The following ADAMTS18 variants were observed in gnomAD, a reference collection of about 807,000 sequenced individuals.
ADAMTS18 encodes the protein ADAM metallopeptidase with thrombospondin type 1 motif 18.
A neutral mutation model predicts 165.9 loss-of-function variants in ADAMTS18; 157 were observed. The observed-to-expected ratio is 0.95, with a 90% CI of 0.83 to 1.08. The LOEUF (loss-of-function observed/expected upper bound fraction) is 1.08, where lower values mean the gene tolerates loss of function less well. Among genes scored for constraint, ADAMTS18 ranks in the 50% least tolerant of loss-of-function variants. ADAMTS18 has a pLI of 0.00. For synonymous variants in ADAMTS18, 782 were observed against 578.2 expected (o/e 1.35, Z -5.06); for missense variants, 2,040 against 1,534.0 (o/e 1.33, Z -5.51).
At chr16:77,405,729 G>A (rs931062515) in intron 3 of ADAMTS18, among the ~76,000 whole-genome samples, 1 of 152,052 alleles carries the variant, frequency 6.6e-6, no homozygotes, top group Non-Finnish European at 1.5e-5. Context: ...TTCCTGATGA[G>A]GGCTGACTTC....
chr16:77,324,275 G>A (rs1435847009), intron 13 of ADAMTS18, among the ~76,000 whole-genome samples: 1 of 152,208 alleles, frequency 6.6e-6, no homozygotes, highest in Non-Finnish European at 1.5e-5. Context: ...TTCCAAGTCT[G>A]GAATAGGAAG....
At chr16:77,352,941 C>A (rs2056576671) in intron 10 of ADAMTS18, among the ~76,000 whole-genome samples, 1 of 151,988 alleles carries the variant, frequency 6.6e-6, no homozygotes, top group African/African-American at 2.4e-5. Context: ...CTGAAAAAAA[C>A]ACAAAAAATT....
intron 3 of ADAMTS18, among the ~76,000 whole-genome samples, chr16:77,420,255 C>A (rs2057584685): frequency 6.6e-6 from 1 of 152,024 alleles, no homozygotes; most frequent in Admixed American, 6.6e-5. Flanking sequence ...TCTCCAAGAT[C>A]AAATAACTAG....
At chr16:77,340,090 C>A (rs888069631) in intron 11 of ADAMTS18, among the ~76,000 whole-genome samples, 11 of 152,168 alleles carry the variant, frequency 7.2e-5, no homozygotes, top group Non-Finnish European at 1.3e-4. Context: ...GCCCCGACAG[C>A]AACTACTGCT....
intron 3 of ADAMTS18, among the ~76,000 whole-genome samples, chr16:77,410,203 G>T (rs540807236): frequency 8.7e-5 from 13 of 150,082 alleles, no homozygotes; most frequent in African/African-American, 3.2e-4. Context: ...TCTATTTTAT[G>T]TTACTCTATG....
rs578178578 is a variant in ADAMTS18, at chr16:77,309,925, C to T, written c.2533-9521G>A. Among the ~76,000 whole-genome samples, 3 of 152,314 alleles carry T rather than the reference C, an allele frequency of 2.0e-5. No individual in the cohort carries two copies. The South Asian group carries it at 6.2e-4, about 32-fold the overall frequency. ...TGTTTTAGGAAGCACATTGATTCCT[C>T]AAATGCATTTTAGGAGATCAAATTT... On this transcript the variant is annotated intron_variant, in intron 16 of 22. Coordinates refer to ENST00000282849, the MANE Select transcript of ADAMTS18 (RefSeq NM_199355.4).
intron 22 of ADAMTS18, among the ~76,000 whole-genome samples, chr16:77,285,595 T>A (rs568493883): frequency 6.6e-6 from 1 of 151,988 alleles, no homozygotes; most frequent in Admixed American, 6.5e-5. Flanking sequence ...AAATTCCTTT[T>A]TATACATCCC....
chr16:77,386,581 C>G (rs1402498654), intron 3 of ADAMTS18, among the ~76,000 whole-genome samples: 1 of 152,184 alleles, frequency 6.6e-6, no homozygotes, highest in African/African-American at 2.4e-5. Flanking sequence ...CAAAGCCCTA[C>G]CCCTTCTGCA....
At chr16:77,290,426 A>C (rs60239258) in intron 21 of ADAMTS18, 1 of 152,200 alleles carries the variant, frequency 6.6e-6, no homozygotes, top group African/African-American at 2.4e-5. Context: ...AACTTATTAG[A>C]GTCAATTTTA....
chr16:77,375,678 C>G (rs543422706), intron 3 of ADAMTS18, among the ~76,000 whole-genome samples: 9 of 152,150 alleles, frequency 5.9e-5, no homozygotes, highest in Non-Finnish European at 8.8e-5. Context: ...TTAGGCTCCT[C>G]CTACAATAAA....
intron 16 of ADAMTS18, among the ~76,000 whole-genome samples, chr16:77,305,202 T>C (rs1424089477): frequency 6.6e-6 from 1 of 152,180 alleles, no homozygotes; most frequent in Non-Finnish European, 1.5e-5. Flanking sequence ...TTTGCCCCCA[T>C]CTTTATTCTG....
chr16:77,369,806 A>G (rs1388027816), intron 3 of ADAMTS18, among the ~76,000 whole-genome samples: 1 of 152,220 alleles, frequency 6.6e-6, no homozygotes, highest in East Asian at 1.9e-4. Flanking sequence ...ACGGGTCAGT[A>G]TACCTGATGA....
intron 4 of ADAMTS18, among the ~76,000 whole-genome samples, chr16:77,364,858 C>T (rs1192977779): frequency 6.6e-6 from 1 of 152,026 alleles, no homozygotes; most frequent in East Asian, 1.9e-4. Flanking sequence ...GTAATCCCAG[C>T]AATTTGAGAC....
Position 77,359,177 on chromosome 16 carries a change from T to C in ADAMTS18, c.1322+141A>G, listed in dbSNP as rs532480993. ...CAACAGCTAGCCTTTAGTGAGCCCT[T>C]TGTATAGTCAGAAACTATTCTAAGC... On this transcript the variant is annotated intron_variant, in intron 8 of 22. Coordinates refer to ENST00000282849, the MANE Select transcript of ADAMTS18 (RefSeq NM_199355.4). 96 of 787,220 alleles carry C rather than the reference T, an allele frequency of 1.2e-4. No homozygotes were observed. The South Asian group carries it at 1.4e-3, about 12-fold the overall frequency. 48.8% of individuals were successfully genotyped at this position (787,220 alleles called of 1,614,324 possible).
chr16:77,410,009 G>C (rs1450839166), intron 3 of ADAMTS18, among the ~76,000 whole-genome samples: 1 of 152,086 alleles, frequency 6.6e-6, no homozygotes, highest in Non-Finnish European at 1.5e-5. Flanking sequence ...ATATAGGACT[G>C]TATAGATCTA....
chr16:77,311,705 C>CTTTTTT (rs5818052), intron 16 of ADAMTS18, among the ~76,000 whole-genome samples: 1 of 146,634 alleles, frequency 6.8e-6, no homozygotes, highest in Non-Finnish European at 1.5e-5. Context: ...CTGGAGTTTT[C>CTTTTTT]TTTTTTTTTT....
At chr16:77,433,062 A>T (rs146285331) in intron 2 of ADAMTS18, among the ~76,000 whole-genome samples, 1,698 of 152,288 alleles carry the variant, frequency 0.011, 20 homozygotes, top group Middle Eastern at 0.058. Flanking sequence ...TTAACCTTGA[A>T]AATCTGAGCC....
At chr16:77,431,877 C>A (rs763958394) in intron 2 of ADAMTS18, 3 of 529,392 alleles carry the variant, frequency 5.7e-6, no homozygotes, top group Non-Finnish European at 1.0e-5. Context: ...AATGTAACAC[C>A]TCTCATTGTC....
intron 3 of ADAMTS18, among the ~76,000 whole-genome samples, chr16:77,417,672 T>C (rs538205309): frequency 6.6e-6 from 1 of 152,362 alleles, no homozygotes; most frequent in African/African-American, 2.4e-5. Flanking sequence ...GTGGCATATG[T>C]ATACATGTGC....
Sources: gnomAD v4.1 joint callset for allele counts (sites outside exome capture counted in the v4.1 genomes callset) on GRCh38, gnomAD v4.1.1 for gene constraint, MANE v1.5 for transcripts, NCBI Gene and HGNC (gene_info 2026-07-23, HGNC 2026-07-21) for gene names.